Variants in RGS13 observed in about 807,000 individuals in gnomAD.
The protein encoded by RGS13 is regulator of G protein signaling 13, also known as regulator of G-protein signalling 13.
RGS13 carries 14 observed loss-of-function variants against 19.9 expected under a neutral mutation model. The ratio of observed to expected loss-of-function variants is 0.70; its 90% CI spans 0.46 to 1.10. RGS13 has a LOEUF of 1.10. Among genes scored for constraint, RGS13 ranks in the 50% least tolerant of loss-of-function variants. The pLI is 0.00. For synonymous variants in RGS13, 60 were observed against 56.8 expected, an observed-to-expected ratio of 1.06 and a Z score of -0.25; for missense variants, 205 against 187.1, an observed-to-expected ratio of 1.10 and a Z score of -0.56.
intron 3 of RGS13, among the ~76,000 whole-genome samples, chr1:192,640,344 T>A (rs1009507454): frequency 6.6e-6 from 1 of 152,070 alleles, no homozygotes; most frequent in Non-Finnish European, 1.5e-5. Context: ...AATGTAACAG[T>A]TTTTTAGTCT....
intron 5 of RGS13, among the ~76,000 whole-genome samples, chr1:192,652,855 C>T (rs1306303688): frequency 4.6e-5 from 7 of 151,986 alleles, no homozygotes; most frequent in Admixed American, 4.6e-4. Flanking sequence ...AGCTGCAGTC[C>T]TGATTCTCCA....
rs553471967 is a variant in RGS13 at position 192,636,468 on chromosome 1, C to G, written c.-116+151C>G. On this transcript the variant is annotated intron_variant, in intron 1 of 6. Transcript: ENST00000391995. ...AAAGACAAACTAACAAACACATATT[C>G]TTTTGCCTGGCTTTCTATATTTAAA... is the stretch of plus-strand genomic sequence containing the variant. Among the ~76,000 whole-genome samples, 19 of 152,032 alleles carry G rather than the reference C, an allele frequency of 1.2e-4. No individual in the cohort carries two copies. The South Asian group carries it at 3.9e-3, about 32-fold the overall frequency.
rs1043811282 is a variant in RGS13 at position 192,658,031 on chromosome 1, C to G, written c.128-170C>G. Among the ~76,000 whole-genome samples, 45 of 152,028 alleles carry G rather than the reference C, an allele frequency of 3.0e-4. 1 individual carries two copies. The highest frequency in any genetic ancestry group is 3.0e-3 in the Admixed American group (45 of 15,236). ...ATTGTCAAAGCACGCTTCAGATGTT[C>G]GCTCTAAGTGTGTGATAGACATGAA... On this transcript the variant is annotated intron_variant, in intron 5 of 6. Coordinates refer to ENST00000391995, the MANE Select transcript of RGS13 (RefSeq NM_002927.5).
chr1:192,658,500 A>G, intron 6 of RGS13, 133 bp downstream of exon 6: 2 of 752,064 alleles, frequency 2.7e-6, no homozygotes, highest in East Asian at 5.5e-5. Flanking sequence ...AGTATTGCTA[A>G]CCTTATTTTA....
At position 192,637,628 on chromosome 1, in the gene RGS13, A is replaced by G. The variant is rs930371049; in HGVS notation, c.-77A>G. The G allele has an allele frequency of 4.6e-5, 7 of 152,002 alleles. No individual in the cohort carries two copies. Among genetic ancestry groups the G allele is most frequent in the African/African-American group, 1.4e-4 (6 of 41,434 alleles). The allele number at this position is 152,002 out of a possible 1,614,324, so 9.4% of individuals were successfully genotyped here. ...TTCCACATATTATACCACCAACATG[A>G]GAAAAAAATGATCATTGTTTATTTG... On this transcript the variant is annotated 5_prime_UTR_variant, in exon 2 of 7. It removes the in-frame stop codon of an upstream open reading frame in the 5' UTR. Coordinates refer to ENST00000391995, the MANE Select transcript of RGS13 (RefSeq NM_002927.5).
At chr1:192,659,289 T>C in intron 6 of RGS13, 49 bp from the exon 7 acceptor site, 1 of 1,455,246 alleles carries the variant, frequency 6.9e-7, no homozygotes, top group Non-Finnish European at 9.4e-7. Flanking sequence ...TATGTGCCTT[T>C]TTTTCAACTA....
intron 4 of RGS13, chr1:192,645,653 G>A (rs1043405129): frequency 6.6e-6 from 1 of 152,092 alleles, no homozygotes; most frequent in African/African-American, 2.4e-5. Flanking sequence ...GGACACAAGG[G>A]AGAACTTGTA....
intron 4 of RGS13, chr1:192,646,438 G>A (rs1416560293): frequency 6.6e-6 from 1 of 152,094 alleles, no homozygotes; most frequent in Non-Finnish European, 1.5e-5. Flanking sequence ...GAACAATTAA[G>A]AATGCACCAT....
chr1:192,656,663 G>A (rs7521159), intron 5 of RGS13, among the ~76,000 whole-genome samples: 3,924 of 151,960 alleles, frequency 0.026, 74 homozygotes, highest in Admixed American at 0.038. Context: ...TTGTTGAACC[G>A]TATCCCATGC....
At chr1:192,647,388 C>T (rs945157437) in intron 4 of RGS13, 1 of 152,166 alleles carries the variant, frequency 6.6e-6, no homozygotes, top group Non-Finnish European at 1.5e-5. Context: ...AATCAATATG[C>T]TGTTTGACAA....
At chr1:192,649,927 A>G (rs1663305651) in intron 5 of RGS13, among the ~76,000 whole-genome samples, 1 of 152,082 alleles carries the variant, frequency 6.6e-6, no homozygotes, top group Non-Finnish European at 1.5e-5. Flanking sequence ...TTCTCCCTAG[A>G]TTATAAATTC....
chr1:192,644,605 C>T (rs947268561), intron 4 of RGS13: 3 of 493,112 alleles, frequency 6.1e-6, no homozygotes, highest in African/African-American at 5.9e-5. Flanking sequence ...GAGAATTCAG[C>T]AAGTTAAATG....
At position 192,644,352 on chromosome 1, in the gene RGS13, T is replaced by C. The variant is rs376401737; in HGVS notation, c.18T>C (p.Cys6=). The change falls in exon 4 of 7, where the codon TGT becomes TGC. Residue 6 remains cysteine (C), a synonymous_variant. Transcript: ENST00000391995. The part of the protein sequence containing the change: MSRRN[C]WICKMCRDES... ...TTAGAAAAATGAGCAGGCGGAATTG[T>C]TGGATTTGTAAGATGTGCAGAGATG... 9.9e-6 allele frequency: 16 copies of C among 1,611,254 alleles called. No individual in the cohort carries two copies. The African/African-American group carries it at 1.5e-4, about 15-fold the overall frequency.
At chr1:192,641,274 G>GA (rs1383073801) in intron 3 of RGS13, among the ~76,000 whole-genome samples, 5 of 100,026 alleles carry the variant, frequency 5.0e-5, no homozygotes, top group Admixed American at 1.2e-4. Context: ...AAGAAAGAAA[G>GA]AAAGAAAGAA....
At chr1:192,659,300 T>C (rs766126066) in intron 6 of RGS13, 38 bp from the exon 7 acceptor site, 17 of 1,522,880 alleles carry the variant, frequency 1.1e-5, no homozygotes, top group East Asian at 2.3e-5. Context: ...TTTTCAACTA[T>C]GCTAACTTAA....
Position 192,659,406 on chromosome 1 carries a change from T to G in RGS13, c.363T>G (p.Phe121Leu), listed in dbSNP as rs1212621973. Residue 121 changes from phenylalanine to leucine, a missense_variant, in exon 7 of 7, where the codon TTT becomes TTG. Phe to Leu is a conservative substitution (Grantham distance 22, BLOSUM62 0). Coordinates refer to ENST00000391995, the MANE Select transcript of RGS13 (RefSeq NM_002927.5). ...TTCAGGAACCCACTGAAACATGTTT[T>G]GAAGAAGCTCAGAAAATAGTCTATA... ...RNIQEPTETC[F>L]EEAQKIVYMH... The G allele has an allele frequency of 6.2e-7, 1 of 1,613,014 alleles. No individual in the cohort carries two copies. The highest frequency in any genetic ancestry group is 1.3e-5 in the African/African-American group (1 of 74,910).
intron 3 of RGS13, among the ~76,000 whole-genome samples, chr1:192,641,302 G>GA (rs778782848): frequency 1.4e-4 from 18 of 125,210 alleles, no homozygotes; most frequent in South Asian, 5.5e-4. Context: ...AAGAAAGAAA[G>GA]AAAGAAAAGA....
At position 192,644,408 on chromosome 1, in the gene RGS13, C is replaced by A; in HGVS notation, c.65+9C>A. ...AAGAGGCCCCCTTCAAAGTAAGTAG[C>A]ATTTAAGTTTCTATGGTAATTGTAA... On this transcript the variant is annotated intron_variant, in intron 4 of 6. Transcript: ENST00000391995. 6.3e-7 allele frequency: 1 copy of A among 1,591,154 alleles called. No individual in the cohort carries two copies. Among genetic ancestry groups the A allele is most frequent in the Non-Finnish European group, 8.6e-7 (1 of 1,160,890 alleles).
chr1:192,641,778 G>A (rs1025789487), intron 3 of RGS13, among the ~76,000 whole-genome samples: 88 of 152,180 alleles, frequency 5.8e-4, no homozygotes, highest in Admixed American at 4.5e-3. Flanking sequence ...GGACGATCTC[G>A]TCATTTTTTT....
Sources: allele counts gnomAD v4.1 joint callset (sites outside exome capture counted in the v4.1 genomes callset), GRCh38; gene constraint gnomAD v4.1.1; transcripts MANE v1.5; gene names NCBI Gene and HGNC (gene_info 2026-07-23, HGNC 2026-07-21).